ADAM32: variants seen among roughly 807,000 people sequenced by gnomAD.
The protein encoded by ADAM32 is ADAM metallopeptidase domain 32.
ADAM32 carries 89 observed loss-of-function variants against 114.9 expected under a neutral mutation model. The ratio of observed to expected loss-of-function variants is 0.77; its 90% CI spans 0.65 to 0.92. The LOEUF (loss-of-function observed/expected upper bound fraction) is 0.92, where lower values mean the gene tolerates loss of function less well. Ranked by LOEUF, ADAM32 falls within the 40% of genes least tolerant of loss-of-function variation. The probability of loss-of-function intolerance (pLI) is 0.00; values close to 1 mark genes in which losing one functional copy is unlikely to be tolerated. For missense variants in ADAM32, 870 were observed against 932.8 expected (o/e 0.93, Z 0.88); for synonymous variants, 285 against 307.5 (o/e 0.93, Z 0.77).
intron 19 of ADAM32, among the ~76,000 whole-genome samples, chr8:39,265,609 A>G (rs1812301977): frequency 1.3e-5 from 2 of 152,208 alleles, no homozygotes; most frequent in African/African-American, 2.4e-5. Flanking sequence ...GCGTGTAAGT[A>G]TAATTTGTGG....
chr8:39,275,752 C>T, intron 21 of ADAM32, 76 bp from the exon 22 acceptor site: 4 of 1,362,850 alleles, frequency 2.9e-6, no homozygotes, highest in Non-Finnish European at 3.0e-6. Flanking sequence ...GTAAAATGAT[C>T]CGACATTCAT....
chr8:39,190,147 T>G (rs1383065586), intron 11 of ADAM32, among the ~76,000 whole-genome samples: 1 of 152,248 alleles, frequency 6.6e-6, no homozygotes, highest in Non-Finnish European at 1.5e-5. Flanking sequence ...ATTGTGATAT[T>G]TACCTTTCTG....
At position 39,273,347 on chromosome 8, in the gene ADAM32, A is replaced by T. The variant is rs941253060; in HGVS notation, c.2202-965A>T. ...ATGGTGAAACCCCGTCTCTACTAAA[A>T]ATACAAAAATAAATAAATAAATAAA... On this transcript the variant is annotated intron_variant, in intron 20 of 24. Coordinates refer to ENST00000379907, the MANE Select transcript of ADAM32 (RefSeq NM_145004.7). 4.0e-5 allele frequency among the ~76,000 whole-genome samples: 6 copies of T among 151,890 alleles called. No homozygotes were observed. In the South Asian group the frequency reaches 1.2e-3, roughly 31 times the overall value.
intron 10 of ADAM32, among the ~76,000 whole-genome samples, chr8:39,174,246 C>T (rs1285574711): frequency 6.6e-6 from 1 of 152,196 alleles, no homozygotes; most frequent in Non-Finnish European, 1.5e-5. Context: ...TTGTTTGTGT[C>T]AGATTTGTTG....
intron 10 of ADAM32, 118 bp from the exon 11 acceptor site, chr8:39,186,791 A>G (rs557385676): frequency 2.3e-6 from 2 of 861,436 alleles, no homozygotes; most frequent in Admixed American, 3.4e-5. Flanking sequence ...TCAAGGATCC[A>G]TATCTCCCTA....
intron 12 of ADAM32, among the ~76,000 whole-genome samples, chr8:39,219,634 G>A (rs978865016): frequency 6.6e-6 from 1 of 152,184 alleles, no homozygotes; most frequent in Non-Finnish European, 1.5e-5. Context: ...TGGGGGATAA[G>A]GGATGGTTGC....
chr8:39,120,761 C>A (rs1244076274), intron 2 of ADAM32, among the ~76,000 whole-genome samples: 1,547 of 98,710 alleles, frequency 0.016, no homozygotes, highest in African/African-American at 0.024. Flanking sequence ...GACTCCGTCT[C>A]AAAAAAAAAA....
chr8:39,107,994 C>G, intron 1 of ADAM32, 161 bp downstream of exon 1: 1 of 944,410 alleles, frequency 1.1e-6, no homozygotes, highest in East Asian at 3.0e-5. Flanking sequence ...GATGGAGAAG[C>G]GACTCAGGGC....
intron 3 of ADAM32, among the ~76,000 whole-genome samples, chr8:39,141,042 T>G (rs1486673983): frequency 1.3e-5 from 2 of 152,206 alleles, no homozygotes. Flanking sequence ...TGATATCCCC[T>G]TTATCATTTT....
chr8:39,136,769 T>C, intron 3 of ADAM32, 51 bp downstream of exon 3: 1 of 1,224,354 alleles, frequency 8.2e-7, no homozygotes, highest in South Asian at 1.6e-5. Context: ...TATGAAGCTG[T>C]TTACTTGCAA....
chr8:39,132,763 T>C lies in ADAM32; in HGVS notation c.139-3894T>C, dbSNP rs534177029. 6.1e-4 allele frequency among the ~76,000 whole-genome samples: 93 copies of C among 152,126 alleles called. 1 individual carries two copies. Among genetic ancestry groups the C allele is most frequent in the African/African-American group, 2.2e-3 (90 of 41,476 alleles). Reference sequence around the variant, plus strand: ...TTGTTAGTTGACAGATTTTTTTTTTTCTTTCAGCACTTTTTATGTCTTCAC... The same window carrying C: ...TTGTTAGTTGACAGATTTTTTTTTTCCTTTCAGCACTTTTTATGTCTTCAC... On this transcript the variant is annotated intron_variant, in intron 2 of 24. Transcript: ENST00000379907.
At chr8:39,157,701 GA>G (rs2129445836) in intron 6 of ADAM32, 1 of 942,668 alleles carries the variant, frequency 1.1e-6, no homozygotes, top group Non-Finnish European at 1.7e-6. Flanking sequence ...AAGACTTGTG[GA>G]GGATGAGCGC....
chr8:39,129,874 G>C (rs1025886404), intron 2 of ADAM32: 1 of 395,008 alleles, frequency 2.5e-6, no homozygotes, highest in Non-Finnish European at 5.0e-6. Flanking sequence ...ATTCAGTTTT[G>C]GTAACTTGTT....
intron 14 of ADAM32, among the ~76,000 whole-genome samples, chr8:39,225,017 CAGAGG>C (rs892064247): frequency 6.6e-6 from 1 of 152,166 alleles, no homozygotes; most frequent in African/African-American, 2.4e-5. Flanking sequence ...CTGCAGAGGA[CAGAGG>C]CGTCTTTTAT....
At chr8:39,170,295 A>G (rs918755822) in intron 10 of ADAM32, among the ~76,000 whole-genome samples, 8 of 152,138 alleles carry the variant, frequency 5.3e-5, no homozygotes, top group African/African-American at 1.9e-4. Context: ...AACCCAAAAT[A>G]GATTTTTGCT....
chr8:39,221,766 A>G (rs1407850611), intron 13 of ADAM32, 64 bp downstream of exon 13: 8 of 1,069,890 alleles, frequency 7.5e-6, no homozygotes, highest in Non-Finnish European at 1.1e-5. Flanking sequence ...GTACTTTACA[A>G]CACAGACCTA....
intron 11 of ADAM32, among the ~76,000 whole-genome samples, chr8:39,205,597 C>T (rs776311592): frequency 7.2e-5 from 11 of 152,326 alleles, no homozygotes; most frequent in African/African-American, 1.2e-4. Context: ...TGCCCTGCTT[C>T]GCCTCACACT....
chr8:39,168,585 T>C (rs1196433200), intron 9 of ADAM32: 3 of 152,252 alleles, frequency 2.0e-5, no homozygotes, highest in Non-Finnish European at 4.4e-5. Context: ...ACATTTCATA[T>C]GGCCAAATTT....
At chr8:39,130,020 T>G in intron 2 of ADAM32, 1 of 268,338 alleles carries the variant, frequency 3.7e-6, no homozygotes. Flanking sequence ...AGTGGCACAG[T>G]CTTGGCTCAC....
Sources: gnomAD v4.1 joint callset for allele counts (sites outside exome capture counted in the v4.1 genomes callset) on GRCh38, gnomAD v4.1.1 for gene constraint, MANE v1.5 for transcripts, NCBI Gene and HGNC (gene_info 2026-07-23, HGNC 2026-07-21) for gene names.